The following GIGYF2 variants were observed in gnomAD, a reference collection of about 807,000 sequenced individuals.
GIGYF2 encodes the protein GRB10-interacting GYF protein 2.
A neutral mutation model predicts 208.1 loss-of-function variants in GIGYF2; 25 were observed. The observed-to-expected ratio is 0.12, with a 90% CI of 0.09 to 0.17. The LOEUF (loss-of-function observed/expected upper bound fraction) is 0.17. Ranked by LOEUF, GIGYF2 falls within the 10% of genes least tolerant of loss-of-function variation. GIGYF2 has a pLI of 1.00. For missense variants in GIGYF2, 1,302 were observed against 1,579.4 expected (o/e 0.82, Z 2.98); for synonymous variants, 534 against 543.8 (o/e 0.98, Z 0.25).
At chr2:232,732,310 G>A (rs1367509120) in intron 2 of GIGYF2, among the ~76,000 whole-genome samples, 1 of 152,128 alleles carries the variant, frequency 6.6e-6, no homozygotes, top group African/African-American at 2.4e-5. Flanking sequence ...GACTCCATTG[G>A]CTTGTGTGTT....
At chr2:232,851,413 A>ATTTTTT (rs5839451) in intron 28 of GIGYF2, among the ~76,000 whole-genome samples, 22,095 of 148,860 alleles carry the variant, frequency 0.15, 1,970 homozygotes, top group Non-Finnish European at 0.2. Context: ...TGAAACTAAC[A>ATTTTTT]TTTTTTTTTT....
At chr2:232,720,591 T>A (rs1370808702) in intron 2 of GIGYF2, among the ~76,000 whole-genome samples, 3 of 147,592 alleles carry the variant, frequency 2.0e-5, no homozygotes, top group Admixed American at 6.8e-5. Flanking sequence ...ATATTTTTGT[T>A]TGTTTGTTTG....
At chr2:232,849,402 G>C (rs1247011413) in intron 27 of GIGYF2, among the ~76,000 whole-genome samples, 1 of 152,134 alleles carries the variant, frequency 6.6e-6, no homozygotes, top group African/African-American at 2.4e-5. Flanking sequence ...CCGACCTCAT[G>C]ATCCGCCCTC....
chr2:232,824,474 C>T (rs745445391), intron 21 of GIGYF2, among the ~76,000 whole-genome samples: 2 of 152,188 alleles, frequency 1.3e-5, no homozygotes, highest in Admixed American at 1.3e-4. Flanking sequence ...AGACCAGCCG[C>T]AACATTCCCT....
intron 18 of GIGYF2, 66 bp from the exon 19 acceptor site, chr2:232,815,571 C>T: frequency 2.2e-6 from 2 of 893,986 alleles, no homozygotes; most frequent in Non-Finnish European, 1.9e-6. Context: ...TTTCATGATT[C>T]CTACGGATAT....
intron 8 of GIGYF2, among the ~76,000 whole-genome samples, chr2:232,770,189 G>A (rs1010493346): frequency 1.3e-5 from 2 of 152,042 alleles, no homozygotes; most frequent in Non-Finnish European, 2.9e-5. Flanking sequence ...TTCTTCATAC[G>A]GCCCAATGCT....
At chr2:232,753,022 A>G (rs983256518) in intron 5 of GIGYF2, among the ~76,000 whole-genome samples, 1 of 152,050 alleles carries the variant, frequency 6.6e-6, no homozygotes, top group African/African-American at 2.4e-5. Context: ...AACTATCTGT[A>G]TATTCCCTTA....
chr2:232,769,224 G>A (rs1165214617), intron 8 of GIGYF2, among the ~76,000 whole-genome samples: 2 of 151,966 alleles, frequency 1.3e-5, no homozygotes, highest in African/African-American at 4.8e-5. Context: ...GATGGGGAGG[G>A]GACCAATAGA....
chr2:232,808,681 C>G (rs978708576), intron 15 of GIGYF2, among the ~76,000 whole-genome samples: 5 of 152,066 alleles, frequency 3.3e-5, no homozygotes, highest in Non-Finnish European at 5.9e-5. Context: ...AAGATATAAA[C>G]TCATGATTTA....
intron 21 of GIGYF2, among the ~76,000 whole-genome samples, chr2:232,825,190 T>C (rs945820292): frequency 6.6e-6 from 1 of 152,200 alleles, no homozygotes; most frequent in Non-Finnish European, 1.5e-5. Flanking sequence ...AGGATTAATT[T>C]TGATGTTCAA....
chr2:232,705,123 T>G (rs1392423169), intron 2 of GIGYF2, among the ~76,000 whole-genome samples: 5 of 151,562 alleles, frequency 3.3e-5, no homozygotes, highest in African/African-American at 1.2e-4. Flanking sequence ...CCTCCCAAAG[T>G]GCTGGGATTA....
In GIGYF2 at chr2:232,701,520, C is replaced by T. The variant is rs1254684070; in HGVS notation, c.-109-1904C>T. 1.3e-5 allele frequency among the ~76,000 whole-genome samples: 2 copies of T among 151,258 alleles called. 1 individual carries two copies. The stretch of plus-strand genomic sequence containing the variant: ...TCACCACTGACTGTAACCTCAATCT[C>T]CCAGGCTCAAGCCATCCTCCCACCT... On this transcript the variant is annotated intron_variant, in intron 1 of 28. Transcript: ENST00000373563.
intron 8 of GIGYF2, among the ~76,000 whole-genome samples, chr2:232,778,219 A>G (rs575700822): frequency 1.3e-5 from 2 of 152,298 alleles, no homozygotes; most frequent in East Asian, 3.9e-4. Context: ...TACAGGCATG[A>G]GCCACTTCAC....
In GIGYF2 at chr2:232,844,224, A is replaced by G; in HGVS notation, c.3068A>G (p.His1023Arg). 1 of 1,566,880 alleles carries G rather than the reference A, an allele frequency of 6.4e-7. No homozygotes were observed. Among genetic ancestry groups the G allele is most frequent in the South Asian group, 1.2e-5 (1 of 86,718 alleles). ...AAGCAGCAGCAGCAGCAGCAGCAAC[A>G]CCAGCAACCAAACAGAGCTCGTAAC... ...MQKQQQQQQQ[H>R]QQPNRARNNT... is the part of the protein sequence containing the mutation. Residue 1023 changes from histidine to arginine, a missense_variant, in exon 24 of 29, where the codon CAC (histidine) becomes CGC (arginine). Coordinates refer to ENST00000373563, the MANE Select transcript of GIGYF2 (RefSeq NM_001103146.3).
At chr2:232,719,186 A>G (rs1263701715) in intron 2 of GIGYF2, 1 of 152,078 alleles carries the variant, frequency 6.6e-6, no homozygotes, top group Admixed American at 6.6e-5. Context: ...GGGGTTTTCA[A>G]AGATGTGTAT....
chr2:232,770,815 A>C (rs138305098), intron 8 of GIGYF2: 1 of 866,482 alleles, frequency 1.2e-6, no homozygotes, highest in East Asian at 2.6e-5. Context: ...AGCATTACTT[A>C]TAACTGACTA....
rs1168791924 is a variant in GIGYF2, at chr2:232,796,296, T to G, written c.1639+75T>G. On this transcript the variant is annotated intron_variant, in intron 14 of 28. Transcript: ENST00000373563. ...CAGAATCTCTAAGAAGGGATTTGTT[T>G]AATTTAAATTATAGTAGAAAAAGAA... The G allele has an allele frequency of 3.1e-6, 3 of 961,880 alleles. No homozygotes were observed. The African/African-American group carries it at 4.8e-5, about 15-fold the overall frequency. The allele number at this position is 961,880 out of a possible 1,614,324, so 59.6% of individuals were successfully genotyped here.
chr2:232,802,417 G>A (rs1311204537), intron 14 of GIGYF2, among the ~76,000 whole-genome samples: 1 of 152,032 alleles, frequency 6.6e-6, no homozygotes, highest in African/African-American at 2.4e-5. Context: ...ATTATATTTA[G>A]TTAGATCTCT....
intron 8 of GIGYF2, chr2:232,771,288 G>A: frequency 1.2e-6 from 2 of 1,609,794 alleles, no homozygotes; most frequent in South Asian, 2.2e-5. Context: ...GTGTGCTGTG[G>A]CCATCCTTGG....
Sources: allele counts gnomAD v4.1 joint callset (sites outside exome capture counted in the v4.1 genomes callset), GRCh38; gene constraint gnomAD v4.1.1; transcripts MANE v1.5; gene names NCBI Gene and HGNC (gene_info 2026-07-23, HGNC 2026-07-21).